The following PIK3CD variants were observed in gnomAD, a reference collection of about 807,000 sequenced individuals.
PIK3CD encodes the protein phosphatidylinositol-4,5-bisphosphate 3-kinase catalytic subunit delta.
A neutral mutation model predicts 122.9 loss-of-function variants in PIK3CD; 20 were observed. The observed-to-expected ratio is 0.16, with a 90% confidence interval of 0.11 to 0.24. The LOEUF (loss-of-function observed/expected upper bound fraction) is 0.24. PIK3CD is among the 10% of genes least tolerant of loss of function. The pLI, the probability that PIK3CD is intolerant of heterozygous loss-of-function variation, is 1.00. For synonymous variants in PIK3CD, 596 were observed against 593.4 expected (o/e 1.00, Z -0.06); for missense variants, 787 against 1,406.3 (o/e 0.56, Z 7.04).
At chr1:9,649,950 C>G (rs922459844), upstream of PIK3CD, among the ~76,000 whole-genome samples, 1 of 152,198 alleles carries the variant, frequency 6.6e-6, no homozygotes, top group African/African-American at 2.4e-5. Flanking sequence ...TCCCTCTACC[C>G]TCTAAATTCC....
chr1:9,697,032 C>T (rs138998867), intron 2 of PIK3CD, among the ~76,000 whole-genome samples: 1 of 149,422 alleles, frequency 6.7e-6, no homozygotes, highest in East Asian at 2.0e-4. Context: ...ACACTGCACT[C>T]CAGCCTAGGG....
intron 2 of PIK3CD, among the ~76,000 whole-genome samples, chr1:9,695,853 A>AAAAAAG (rs1406553453): frequency 0.018 from 2,669 of 150,310 alleles, 93 homozygotes; most frequent in African/African-American, 0.061. Context: ...CAAAAAAAAA[A>AAAAAAG]AAAAGAAAAG....
At chr1:9,654,388 G>A (rs1644777075) in intron 1 of PIK3CD, 2 of 1,367,580 alleles carry the variant, frequency 1.5e-6, no homozygotes, top group Non-Finnish European at 2.0e-6. Flanking sequence ...AGATCACACG[G>A]GGTGCCAGGG....
intron 2 of PIK3CD, among the ~76,000 whole-genome samples, chr1:9,694,698 C>T (rs1294651699): frequency 6.6e-6 from 1 of 152,164 alleles, no homozygotes; most frequent in Non-Finnish European, 1.5e-5. Flanking sequence ...TGTGGTGGCT[C>T]ATGCCTGTAA....
chr1:9,688,387 T>G (rs6669509), intron 1 of PIK3CD: 85,023 of 152,110 alleles, frequency 0.56, 24,636 homozygotes, highest in African/African-American at 0.72. Flanking sequence ...AGGGGTATGG[T>G]TTCAGCACCA....
chr1:9,638,275 T>C, the PIK3CD span, among the ~76,000 whole-genome samples: 1 of 151,746 alleles, frequency 6.6e-6, no homozygotes, highest in Non-Finnish European at 1.5e-5. Flanking sequence ...CCCAGATAGA[T>C]TGCCACAGAC....
Position 9,724,113 on chromosome 1 carries a change from G to A in PIK3CD, c.2718+21G>A, listed in dbSNP as rs749465892. 2.0e-5 allele frequency: 33 copies of A among 1,613,922 alleles called. No homozygotes were observed. Among genetic ancestry groups the A allele is most frequent in the Middle Eastern group, 1.6e-4 (1 of 6,082 alleles). ...GGCAGGTACAGGGGCTGGTGCTGGC[G>A]GCTGCTGTGGGGACTTGGCTTCTGG... On this transcript the variant is annotated intron_variant, in intron 21 of 23. Transcript: ENST00000377346. This position sits in a 1 kb window ranked among gnomAD's most constrained non-coding sequence, Gnocchi z 7.3.
Position 9,721,202 on chromosome 1 carries a change from G to T in PIK3CD, c.1765G>T (p.Asp589Tyr), listed in dbSNP as rs371700599. The change falls in exon 14 of 24, where the codon GAT becomes TAT. Residue 589 changes from aspartate (D) to tyrosine (Y), a missense_variant. Around this residue, in one of 6 missense-constraint regions of PIK3CD, gnomAD observed 592 missense variants for 920.6 expected, o/e 0.64. Transcript: ENST00000377346. ...GGAGCTGCTAGACTTCAGCTTCCCCGATTGCCACGTAGGCTCCTTCGCCAT... is the reference window on the plus strand; with the variant it reads ...GGAGCTGCTAGACTTCAGCTTCCCCTATTGCCACGTAGGCTCCTTCGCCAT... Reference protein sequence around the residue: ...ALELLDFSFPDCHVGSFAIKS... With the variant: ...ALELLDFSFPYCHVGSFAIKS... 3 of 1,613,294 alleles carry T rather than the reference G, an allele frequency of 1.9e-6. No homozygotes were observed. Among genetic ancestry groups the T allele is most frequent in the African/African-American group, 1.3e-5 (1 of 74,918 alleles).
At chr1:9,655,381 C>A (rs771235605) in intron 1 of PIK3CD, among the ~76,000 whole-genome samples, 1 of 152,062 alleles carries the variant, frequency 6.6e-6, no homozygotes, top group East Asian at 1.9e-4. Flanking sequence ...TGGAAATCCC[C>A]GGCAATCATA....
chr1:9,659,061 T>A (rs1399772533), intron 1 of PIK3CD, among the ~76,000 whole-genome samples: 1 of 152,178 alleles, frequency 6.6e-6, no homozygotes, highest in Non-Finnish European at 1.5e-5. Flanking sequence ...CCCATTTGGG[T>A]ATCCTTTCCA....
intron 1 of PIK3CD, among the ~76,000 whole-genome samples, chr1:9,657,608 T>G (rs559529037): frequency 6.6e-5 from 10 of 151,924 alleles, no homozygotes; most frequent in African/African-American, 2.2e-4. Context: ...CTTCTGGAGC[T>G]CAGGAGGAGA....
At position 9,719,708 on chromosome 1, in the gene PIK3CD, G is replaced by A. The variant is rs1320147595; in HGVS notation, c.1243-213G>A. Among the ~76,000 whole-genome samples, 1 of 151,698 alleles carries A rather than the reference G, an allele frequency of 6.6e-6. No individual in the cohort carries two copies. The highest frequency in any genetic ancestry group is 6.6e-5 in the Admixed American group (1 of 15,236). On this transcript the variant is annotated intron_variant, in intron 9 of 23. Coordinates refer to ENST00000377346, the MANE Select transcript of PIK3CD (RefSeq NM_005026.5). This position sits in a 1 kb window ranked among gnomAD's most constrained non-coding sequence, Gnocchi z 5.5. ...AGGGGTGAGGTGGGAACAGGAGGGT[G>A]CAGCAGGTGTCAGCTGGCTTCACCA...
intron 1 of PIK3CD, among the ~76,000 whole-genome samples, chr1:9,671,914 C>T (rs550713603): frequency 2.0e-5 from 3 of 152,352 alleles, no homozygotes; most frequent in Admixed American, 2.0e-4. Flanking sequence ...TGGCAGCTCA[C>T]AGTGCGGTCT....
chr1:9,642,894 C>T, the PIK3CD span, among the ~76,000 whole-genome samples: 1 of 150,652 alleles, frequency 6.6e-6, no homozygotes, highest in East Asian at 2.0e-4. Flanking sequence ...AGTTCAAGAC[C>T]AGCCTGGGCA....
rs1648045671 is a variant in PIK3CD, at chr1:9,719,082, C to G, written c.1242+167C>G. 6.6e-6 allele frequency among the ~76,000 whole-genome samples: 1 copy of G among 152,226 alleles called. No individual in the cohort carries two copies. Among genetic ancestry groups the G allele is most frequent in the Non-Finnish European group, 1.5e-5 (1 of 68,046 alleles). ...TCACCCACCCTAGTCTGGCCACCAG[C>G]CCTGCTCGAGGGACACTCTGGGCTC... On this transcript the variant is annotated intron_variant, in intron 9 of 23. Transcript: ENST00000377346. The surrounding 1 kb of genome is among the most constrained non-coding windows in gnomAD (Gnocchi z 5.5).
At chr1:9,706,429 G>C (rs961906751) in intron 2 of PIK3CD, among the ~76,000 whole-genome samples, 1 of 151,918 alleles carries the variant, frequency 6.6e-6, no homozygotes, top group African/African-American at 2.4e-5. Context: ...GGAGTTGGAG[G>C]GTGCAGTGAG....
At chr1:9,637,775 G>A in the PIK3CD span, among the ~76,000 whole-genome samples, 1 of 151,968 alleles carries the variant, frequency 6.6e-6, no homozygotes. Context: ...CTGCAGACAC[G>A]GGAATACCTC....
At chr1:9,661,690 G>A (rs1003832784) in intron 1 of PIK3CD, among the ~76,000 whole-genome samples, 7 of 151,412 alleles carry the variant, frequency 4.6e-5, no homozygotes, top group South Asian at 2.1e-4. Flanking sequence ...GCGAAACCCC[G>A]TCTCTACAAA....
At position 9,690,757 on chromosome 1, in the gene PIK3CD, G is replaced by C. The variant is rs74969407; in HGVS notation, c.-137-710G>C. Among the ~76,000 whole-genome samples the C allele has an allele frequency of 7.9e-3, 1,200 of 152,318 alleles. 35 individuals are homozygous for C. Among genetic ancestry groups the C allele is most frequent in the Admixed American group, 0.049 (753 of 15,298 alleles). ...TGCTGTTTGACTCATGGAGAAGCCG[G>C]TGGTTTTGGTGTTGTGCTAAATCGA... is the stretch of plus-strand genomic sequence containing the variant. On this transcript the variant is annotated intron_variant, in intron 1 of 23. Transcript: ENST00000377346.
Sources: gnomAD v4.1 joint callset for allele counts (sites outside exome capture counted in the v4.1 genomes callset) on GRCh38, gnomAD v4.1.1 for gene constraint, gnomAD v4.1.1 regional missense constraint, Gnocchi (gnomAD v3.1) non-coding constraint, MANE v1.5 for transcripts, NCBI Gene and HGNC (gene_info 2026-07-23, HGNC 2026-07-21) for gene names.